The following WASF1 variants were observed in gnomAD, a reference collection of about 807,000 sequenced individuals.
WASF1 encodes the protein actin-binding protein WASF1.
Under a neutral mutation model 50.5 loss-of-function variants are expected in WASF1, and 7 were observed. The observed-to-expected ratio is 0.14, with a 90% confidence interval of 0.08 to 0.26. WASF1 has a LOEUF of 0.26. Ranked by LOEUF, WASF1 falls within the 10% of genes least tolerant of loss-of-function variation. WASF1 has a pLI of 1.00. For missense variants in WASF1, 470 were observed against 694.7 expected, an observed-to-expected ratio of 0.68 and a Z score of 3.64; for synonymous variants, 205 against 244.0, an observed-to-expected ratio of 0.84 and a Z score of 1.49.
chr6:110,173,141 C>T (rs1483216445), intron 2 of WASF1, among the ~76,000 whole-genome samples: 1 of 152,064 alleles, frequency 6.6e-6, no homozygotes, highest in Admixed American at 6.6e-5. Context: ...AAACATAACA[C>T]ACTTGACTTT....
At chr6:110,147,357 A>AAAAAAATT (rs1303589165) in intron 3 of WASF1, among the ~76,000 whole-genome samples, 32 of 152,144 alleles carry the variant, frequency 2.1e-4, no homozygotes, top group African/African-American at 7.5e-4. Context: ...AAAAAAAAAA[A>AAAAAAATT]AAAAAATTAT....
At chr6:110,118,900 C>T (rs1467883368) in intron 4 of WASF1, among the ~76,000 whole-genome samples, 5 of 152,114 alleles carry the variant, frequency 3.3e-5, no homozygotes, top group Non-Finnish European at 5.9e-5. Context: ...CACTCAAAAC[C>T]GCACAACTAC....
At chr6:110,124,218 CT>C (rs1173207199) in intron 4 of WASF1, among the ~76,000 whole-genome samples, 5 of 62,152 alleles carry the variant, frequency 8.0e-5, no homozygotes, top group African/African-American at 5.4e-4. Flanking sequence ...TCTCTCTCTC[CT>C]CTCTCTCCTC....
chr6:110,134,446 T>C (rs1774850392), intron 3 of WASF1, among the ~76,000 whole-genome samples: 2 of 151,212 alleles, frequency 1.3e-5, no homozygotes, highest in Admixed American at 6.6e-5. Context: ...TTTTTGGAGA[T>C]GGAGTTTCGC....
At chr6:110,167,581 CT>C (rs1776532128) in intron 2 of WASF1, among the ~76,000 whole-genome samples, 1 of 151,948 alleles carries the variant, frequency 6.6e-6, no homozygotes. Flanking sequence ...GTCCTGGTAC[CT>C]TTTCTCTTAT....
chr6:110,127,699 T>A, intron 3 of WASF1, 70 bp from the exon 4 acceptor site: 5 of 1,323,728 alleles, frequency 3.8e-6, no homozygotes, highest in Non-Finnish European at 3.9e-6. Context: ...TTATTTTTCA[T>A]TGAAGAATAA....
At chr6:110,113,715 G>T (rs756461454) in intron 4 of WASF1, among the ~76,000 whole-genome samples, 15 of 152,088 alleles carry the variant, frequency 9.9e-5, no homozygotes, top group Middle Eastern at 3.4e-3. Flanking sequence ...TAAATACATT[G>T]AAAATTTTGG....
chr6:110,102,730 TGATAGAAAATTG>T (rs1773149241), intron 9 of WASF1, among the ~76,000 whole-genome samples: 1 of 148,124 alleles, frequency 6.8e-6, no homozygotes, highest in Non-Finnish European at 1.5e-5. Context: ...AATGAGTCAG[TGATAGAAAATTG>T]GATTTTTAAC....
intron 2 of WASF1, among the ~76,000 whole-genome samples, chr6:110,161,594 T>C (rs1776265170): frequency 6.6e-6 from 1 of 151,626 alleles, no homozygotes; most frequent in Admixed American, 6.6e-5. Context: ...GTATTATGTT[T>C]TCCCTGAAGA....
At chr6:110,102,537 C>T (rs1773140802) in intron 9 of WASF1, among the ~76,000 whole-genome samples, 1 of 152,232 alleles carries the variant, frequency 6.6e-6, no homozygotes, top group South Asian at 2.1e-4. Flanking sequence ...ACAGGAGTCT[C>T]TATAATGACT....
At chr6:110,126,569 G>C (rs1385129718) in intron 4 of WASF1, among the ~76,000 whole-genome samples, 1 of 152,142 alleles carries the variant, frequency 6.6e-6, no homozygotes. Flanking sequence ...GAAAAGAAAA[G>C]AAAAGCCAAG....
intron 4 of WASF1, among the ~76,000 whole-genome samples, chr6:110,124,272 C>CTATATATATA (rs1416564445): frequency 1.9e-4 from 8 of 42,660 alleles, no homozygotes; most frequent in South Asian, 1.0e-3. Flanking sequence ...CTCTCTCTCT[C>CTATATATATA]TCTATATATA....
At chr6:110,110,820 GTTTTT>G (rs140344157) in intron 5 of WASF1, among the ~76,000 whole-genome samples, 1 of 147,860 alleles carries the variant, frequency 6.8e-6, no homozygotes, top group Admixed American at 6.7e-5. Flanking sequence ...TACACATGAT[GTTTTT>G]TTTTTAATTC....
At position 110,102,408 on chromosome 6, in the gene WASF1, T is replaced by C. The variant is rs540609511; in HGVS notation, c.894-192A>G. Reference sequence around the variant, plus strand: ...AACTAAAAGCACATCAATAAAAAAATTAATGAGTGGTGCTTTGGTTTGTAA... The same window carrying C: ...AACTAAAAGCACATCAATAAAAAAACTAATGAGTGGTGCTTTGGTTTGTAA... On this transcript the variant is annotated intron_variant, in intron 9 of 10. Coordinates refer to ENST00000392589, the MANE Select transcript of WASF1 (RefSeq NM_003931.3). 5.3e-5 allele frequency among the ~76,000 whole-genome samples: 8 copies of C among 151,968 alleles called. No homozygotes were observed. In the East Asian group the frequency reaches 1.5e-3, roughly 29 times the overall value.
intron 3 of WASF1, among the ~76,000 whole-genome samples, chr6:110,145,423 C>A (rs1775508314): frequency 6.6e-6 from 1 of 152,154 alleles, no homozygotes. Flanking sequence ...AATTTGACTT[C>A]CTCTTTTCCT....
intron 3 of WASF1, among the ~76,000 whole-genome samples, chr6:110,149,941 T>A (rs566707155): frequency 6.6e-6 from 1 of 152,264 alleles, no homozygotes; most frequent in South Asian, 2.1e-4. Flanking sequence ...CTGCCCAGGC[T>A]GGTGTCGAAC....
intron 3 of WASF1, among the ~76,000 whole-genome samples, chr6:110,133,105 G>A (rs1051329762): frequency 7.9e-5 from 12 of 151,844 alleles, no homozygotes; most frequent in Non-Finnish European, 1.3e-4. Context: ...ACCAAACATC[G>A]TGTGTTCTCA....
At chr6:110,135,318 G>A (rs543938421) in intron 3 of WASF1, among the ~76,000 whole-genome samples, 45 of 148,728 alleles carry the variant, frequency 3.0e-4, no homozygotes, top group African/African-American at 1.1e-3. Context: ...GGTGAACAGC[G>A]ACAGTATGAC....
chr6:110,165,159 C>T, intron 2 of WASF1, among the ~76,000 whole-genome samples: 1 of 151,462 alleles, frequency 6.6e-6, no homozygotes, highest in Non-Finnish European at 1.5e-5. Context: ...AAATGTACAA[C>T]ACCAAGAGTG....
Sources: allele counts gnomAD v4.1 joint callset (sites outside exome capture counted in the v4.1 genomes callset), GRCh38; gene constraint gnomAD v4.1.1; transcripts MANE v1.5; gene names NCBI Gene and HGNC (gene_info 2026-07-23, HGNC 2026-07-21).